Variants in GABRA3 observed in about 807,000 individuals in gnomAD.
GABRA3 encodes gamma-aminobutyric acid receptor subunit alpha-3.
In GABRA3, 10 loss-of-function variants were observed where a neutral mutation model predicts 30.1. That is an observed-to-expected ratio of 0.33 (90% CI 0.20 to 0.56). The LOEUF (loss-of-function observed/expected upper bound fraction) is 0.56. GABRA3 is among the 20% of genes least tolerant of loss of function. GABRA3 has a pLI of 0.89. For synonymous variants in GABRA3, 151 were observed against 146.8 expected (o/e 1.03, Z -0.21); for missense variants, 233 against 392.0 (o/e 0.59, Z 3.42).
Position 152,217,078 on chromosome X carries a change from T to C in GABRA3, c.634+7685A>G, listed in dbSNP as rs139751968. On this transcript the variant is annotated intron_variant, in intron 6 of 9. Coordinates refer to ENST00000370314, the MANE Select transcript of GABRA3 (RefSeq NM_000808.4). ...ATTGGTTTATAACTTAATCAAATAA[T>C]TGCAATTATCAAAACTTTTATTATT... Among the ~76,000 whole-genome samples the C allele has an allele frequency of 1.5e-3, 169 of 111,546 alleles. 3 individuals are homozygous for C. In the East Asian group the frequency reaches 0.045, roughly 29 times the overall value.
chrX:152,228,175 G>T (rs1484833512), intron 5 of GABRA3, among the ~76,000 whole-genome samples: 3 of 111,438 alleles, frequency 2.7e-5, no homozygotes, highest in African/African-American at 9.8e-5. Context: ...GAAAAAACTT[G>T]AAGGGATATT....
chrX:152,411,510 C>A (rs1185377717), intron 1 of GABRA3, among the ~76,000 whole-genome samples: 1 of 111,275 alleles, frequency 9.0e-6, no homozygotes, highest in Non-Finnish European at 1.9e-5. Flanking sequence ...AATGTTGGGG[C>A]AACTGGATAT....
At chrX:152,305,110 T>C (rs1939701755) in intron 3 of GABRA3, among the ~76,000 whole-genome samples, 1 of 111,563 alleles carries the variant, frequency 9.0e-6, no homozygotes. Context: ...GACGTGTATA[T>C]GTACCACATT....
chrX:152,407,138 C>T (rs1433767985), intron 1 of GABRA3, among the ~76,000 whole-genome samples: 1 of 110,773 alleles, frequency 9.0e-6, no homozygotes. Flanking sequence ...GGTAGAAAAG[C>T]TACAAATAAA....
At chrX:152,427,147 A>G (rs944615632) in intron 1 of GABRA3, among the ~76,000 whole-genome samples, 1 of 111,346 alleles carries the variant, frequency 9.0e-6, no homozygotes, top group Non-Finnish European at 1.9e-5. Flanking sequence ...TTCTCCCTCT[A>G]TAGCTACTTT....
intron 8 of GABRA3, among the ~76,000 whole-genome samples, chrX:152,195,349 G>A: frequency 8.9e-6 from 1 of 112,184 alleles, no homozygotes; most frequent in Non-Finnish European, 1.9e-5. Flanking sequence ...TGCATTGAAA[G>A]CGTAACTGTT....
intron 1 of GABRA3, among the ~76,000 whole-genome samples, chrX:152,443,239 A>T (rs959893338): frequency 8.9e-6 from 1 of 112,036 alleles, no homozygotes; most frequent in Non-Finnish European, 1.9e-5. Context: ...CAAGAAATAT[A>T]AAAAAGTATT....
At chrX:152,328,163 C>T (rs922412950) in intron 3 of GABRA3, among the ~76,000 whole-genome samples, 2 of 111,055 alleles carry the variant, frequency 1.8e-5, no homozygotes, top group Non-Finnish European at 3.8e-5. Context: ...AAGTTGAATC[C>T]CTGAATAGAC....
chrX:152,282,047 C>G (rs1204726565), intron 4 of GABRA3, among the ~76,000 whole-genome samples: 3 of 111,967 alleles, frequency 2.7e-5, no homozygotes, highest in African/African-American at 9.7e-5. Flanking sequence ...CTTCATGGAG[C>G]TTTTGTCAAA....
intron 3 of GABRA3, among the ~76,000 whole-genome samples, chrX:152,329,888 A>C (rs975594701): frequency 2.7e-5 from 3 of 112,032 alleles, no homozygotes; most frequent in African/African-American, 9.7e-5. Context: ...AGCAAAAGTA[A>C]CTACCATCAG....
chrX:152,416,634 T>C (rs921999538), intron 1 of GABRA3, among the ~76,000 whole-genome samples: 10 of 111,140 alleles, frequency 9.0e-5, no homozygotes, highest in Non-Finnish European at 1.9e-4. Context: ...ACTACAAGGC[T>C]ACACAGTAAC....
chrX:152,398,014 A>C (rs990518419), intron 1 of GABRA3, among the ~76,000 whole-genome samples: 4 of 111,769 alleles, frequency 3.6e-5, no homozygotes, highest in Non-Finnish European at 1.9e-5. Flanking sequence ...GCCATTCTGC[A>C]GTCTTTATTT....
Position 152,298,494 on chromosome X carries a change from G to C in GABRA3, c.263-13759C>G, listed in dbSNP as rs1456047753. Among the ~76,000 whole-genome samples the C allele has an allele frequency of 8.3e-5, 9 of 108,544 alleles. No individual in the cohort carries two copies. The East Asian group carries it at 8.8e-4, about 11-fold the overall frequency. 94.3% of individuals were successfully genotyped at this position (108,544 alleles called of 115,157 possible). On this transcript the variant is annotated intron_variant, in intron 3 of 9. Transcript: ENST00000370314. ...GCGGTGTTTGGTTTTTTGTCCTTGC[G>C]ATAGTTTGCTGAGAATGATGGTTTC...
chrX:152,362,725 T>C (rs1928543021), intron 2 of GABRA3, among the ~76,000 whole-genome samples: 1 of 111,166 alleles, frequency 9.0e-6, no homozygotes, highest in African/African-American at 3.3e-5. Context: ...ATCCAAGAGA[T>C]GTGGGAGGTA....
intron 5 of GABRA3, among the ~76,000 whole-genome samples, chrX:152,247,515 C>T (rs1427372883): frequency 9.0e-6 from 1 of 111,671 alleles, no homozygotes; most frequent in East Asian, 2.8e-4. Flanking sequence ...CCAGCTCTGC[C>T]ACTTATTGGT....
intron 3 of GABRA3, among the ~76,000 whole-genome samples, chrX:152,322,545 T>G (rs778832755): frequency 6.3e-5 from 7 of 110,616 alleles, no homozygotes; most frequent in African/African-American, 2.3e-4. Context: ...TCTTTTTTTT[T>G]TTTTTGAGAT....
Position 152,243,746 on chromosome X carries a change from A to G in GABRA3, c.551+12032T>C, listed in dbSNP as rs193136747. Among the ~76,000 whole-genome samples the G allele has an allele frequency of 6.6e-4, 74 of 112,109 alleles. 1 individual carries two copies. The highest frequency in any genetic ancestry group is 2.1e-3 in the African/African-American group (66 of 30,920). On this transcript the variant is annotated intron_variant, in intron 5 of 9. Coordinates refer to ENST00000370314, the MANE Select transcript of GABRA3 (RefSeq NM_000808.4). ...TCTCCACACATCTCAGGCAGAAGGT[A>G]TATGTATCAGAATCTTGAAGGAGGG...
intron 5 of GABRA3, 28 bp from the exon 6 acceptor site, chrX:152,224,873 A>C (rs1569360821): frequency 9.7e-7 from 1 of 1,029,289 alleles, no homozygotes. Flanking sequence ...AGAAAATGAA[A>C]TTAAGCTAAA....
At chrX:152,221,210 T>C (rs1937829530) in intron 6 of GABRA3, among the ~76,000 whole-genome samples, 1 of 111,970 alleles carries the variant, frequency 8.9e-6, no homozygotes, top group East Asian at 2.8e-4. Context: ...TTATGCTTTC[T>C]TCTATTAATA....
Sources: allele counts gnomAD v4.1 joint callset (sites outside exome capture counted in the v4.1 genomes callset), GRCh38; gene constraint gnomAD v4.1.1; transcripts MANE v1.5; gene names NCBI Gene and HGNC (gene_info 2026-07-23, HGNC 2026-07-21).